The following ATXN1L variants were observed in gnomAD, a reference collection of about 807,000 sequenced individuals.
ATXN1L encodes ataxin-1-like.
A neutral mutation model predicts 43.4 loss-of-function variants in ATXN1L; 8 were observed. That is an observed-to-expected ratio of 0.18 (90% confidence interval 0.11 to 0.33). The LOEUF is 0.33. Among genes scored for constraint, ATXN1L ranks in the 10% least tolerant of loss-of-function variants. The pLI is 1.00. For synonymous variants in ATXN1L, 379 were observed against 360.6 expected (o/e 1.05, Z -0.58); for missense variants, 856 against 885.4 (o/e 0.97, Z 0.42).
At position 71,850,519 on chromosome 16, in the gene ATXN1L, A is replaced by T. The variant is rs761644064; in HGVS notation, c.779A>T (p.Gln260Leu). Reference protein sequence around the residue: ...ASPVLTPQESQSALEAAAANG... With the variant: ...ASPVLTPQESLSALEAAAANG... ...CCAGTTCTTACCCCTCAGGAGAGCCAGTCTGCTCTGGAAGCAGCTGCTGCA... is the reference window on the plus strand; with the variant it reads ...CCAGTTCTTACCCCTCAGGAGAGCCTGTCTGCTCTGGAAGCAGCTGCTGCA... The change falls in exon 3 of 3, where the codon CAG becomes CTG. Residue 260 changes from glutamine (Q) to leucine (L), a missense_variant. Around this residue, in one of 7 missense-constraint regions of ATXN1L, gnomAD observed 490 missense variants for 449.4 expected, o/e 1.09. Coordinates refer to ENST00000427980, the MANE Select transcript of ATXN1L (RefSeq NM_001137675.4). 1.3e-6 allele frequency: 2 copies of T among 1,551,628 alleles called. No homozygotes were observed. The highest frequency in any genetic ancestry group is 3.9e-5 in the Admixed American group (2 of 50,990).
In ATXN1L at chr16:71,849,205, TC is replaced by T. The variant is rs751779761; in HGVS notation, c.-117-417del. ...GTGGCCAGGGCAACAAGAGCAAAACTCCATGTGTTTTAAAAAAAAAAAAAAA... is the reference window on the plus strand; with the variant it reads ...GTGGCCAGGGCAACAAGAGCAAAACTCATGTGTTTTAAAAAAAAAAAAAAA... On this transcript the variant is annotated intron_variant, in intron 2 of 2. Coordinates refer to ENST00000427980, the MANE Select transcript of ATXN1L (RefSeq NM_001137675.4). Among the ~76,000 whole-genome samples, 16 of 78,898 alleles carry T rather than the reference TC, an allele frequency of 2.0e-4. 1 individual carries two copies. The South Asian group carries it at 2.8e-3, about 14-fold the overall frequency. 51.8% of individuals were successfully genotyped at this position (78,898 alleles called of 152,430 possible). A position where few individuals can be genotyped will look rare whatever the true frequency, so the allele number is the denominator to read the frequency against.
At position 71,850,576 on chromosome 16, in the gene ATXN1L, T is replaced by C. The variant is rs2033490089; in HGVS notation, c.836T>C (p.Leu279Ser). The C allele has an allele frequency of 1.3e-6, 2 of 1,551,566 alleles. No individual in the cohort carries two copies. The highest frequency in any genetic ancestry group is 1.7e-6 in the Non-Finnish European group (2 of 1,147,000). ...NGGQRPRERN[L>S]VRRESEALDS... ...GGACAGAGACCACGAGAGCGAAATT[T>C]AGTAAGACGGGAAAGTGAAGCCCTT... The change falls in exon 3 of 3, where the codon TTA (leucine) becomes TCA (serine). Residue 279 changes from leucine (L) to serine (S), a missense_variant. Physicochemically the swap from Leu to Ser is moderately radical, Grantham distance 145. Coordinates refer to ENST00000427980, the MANE Select transcript of ATXN1L (RefSeq NM_001137675.4).
chr16:71,851,806 A>T lies in ATXN1L; in HGVS notation c.2066A>T (p.Lys689Ile). The change falls in exon 3 of 3, where the codon AAA (lysine) becomes ATA (isoleucine). Residue 689 changes from lysine (K) to isoleucine (I), a missense_variant. Transcript: ENST00000427980. This position sits in a 1 kb window ranked among gnomAD's most constrained non-coding sequence, Gnocchi z 4.9. ...ATTGAAGGGCGTTCCAATGCGGGAAAATGAACCTCTTCCCCAGACCAGGAC... is the reference window on the plus strand; with the variant it reads ...ATTGAAGGGCGTTCCAATGCGGGAATATGAACCTCTTCCCCAGACCAGGAC... The part of the protein sequence containing the change: ...LSIEGRSNAG[K>I] The T allele has an allele frequency of 1.4e-6, 2 of 1,429,520 alleles. No homozygotes were observed. Among genetic ancestry groups the T allele is most frequent in the East Asian group, 5.1e-5 (2 of 39,342 alleles). The allele number at this position is 1,429,520 out of a possible 1,614,324, so 88.6% of individuals were successfully genotyped here.
chr16:71,846,795 T>C (rs1165020471), intron 1 of ATXN1L, among the ~76,000 whole-genome samples: 1 of 152,112 alleles, frequency 6.6e-6, no homozygotes, highest in South Asian at 2.1e-4. Context: ...CTTGGCTCTT[T>C]GTTTTCCTTT....
At chr16:71,849,483 T>A in intron 2 of ATXN1L, 141 bp from the exon 3 acceptor site, 2 of 337,228 alleles carry the variant, frequency 5.9e-6, no homozygotes, top group Non-Finnish European at 1.1e-5. Flanking sequence ...GTAGCCTCCT[T>A]GTCTGCCCCT....
Position 71,846,088 on chromosome 16 carries a change from C to T in ATXN1L, c.-196C>T, listed in dbSNP as rs2033439158. Reference sequence around the variant, plus strand: ...GGACGAGTGAGTGGATCCTGGGAAGCGCTGTGAAATGGGCTGGTGAGTGTC... The same window carrying T: ...GGACGAGTGAGTGGATCCTGGGAAGTGCTGTGAAATGGGCTGGTGAGTGTC... On this transcript the variant is annotated 5_prime_UTR_variant, in exon 1 of 3. Transcript: ENST00000427980. 2 of 201,308 alleles carry T rather than the reference C, an allele frequency of 9.9e-6. No individual in the cohort carries two copies. Among genetic ancestry groups the T allele is most frequent in the South Asian group, 6.0e-5 (1 of 16,758 alleles). 12.5% of individuals were successfully genotyped at this position (201,308 alleles called of 1,614,324 possible). A position where few individuals can be genotyped will look rare whatever the true frequency, so the allele number is the denominator to read the frequency against.
Position 71,855,680 on chromosome 16 carries a change from A to G in ATXN1L, c.*3870A>G, listed in dbSNP as rs555997215. ...AAAAGGCCTGGGTCCATTGGAGTAAAGATAACCTAGTCGATTGAATTGGCC... is the reference window on the plus strand; with the variant it reads ...AAAAGGCCTGGGTCCATTGGAGTAAGGATAACCTAGTCGATTGAATTGGCC... On this transcript the variant is annotated 3_prime_UTR_variant, in exon 3 of 3. Transcript: ENST00000427980. The G allele has an allele frequency of 6.0e-6, 1 of 167,236 alleles. No homozygotes were observed. The highest frequency in any genetic ancestry group is 1.5e-5 in the Non-Finnish European group (1 of 68,130). The allele number at this position is 167,236 out of a possible 1,614,324, so 10.4% of individuals were successfully genotyped here. A position where few individuals can be genotyped will look rare whatever the true frequency, so the allele number is the denominator to read the frequency against.
In ATXN1L at chr16:71,854,416, G is replaced by A. The variant is rs951665064; in HGVS notation, c.*2606G>A. ...GCAGTTCCTGTAATACCACAATATCGTTCCATGCATATATAACATATTAAT... is the reference window on the plus strand; with the variant it reads ...GCAGTTCCTGTAATACCACAATATCATTCCATGCATATATAACATATTAAT... On this transcript the variant is annotated 3_prime_UTR_variant, in exon 3 of 3. Transcript: ENST00000427980. 3.0e-5 allele frequency: 5 copies of A among 166,908 alleles called. No homozygotes were observed. The highest frequency in any genetic ancestry group is 9.7e-5 in the African/African-American group (4 of 41,396). The allele number at this position is 166,908 out of a possible 1,614,324, so 10.3% of individuals were successfully genotyped here.
At position 71,853,695 on chromosome 16, in the gene ATXN1L, A is replaced by C. The variant is rs140339495; in HGVS notation, c.*1885A>C. ...GAGAATGGAGTCATTCTTAGTGTTC[A>C]GGTGCTAAAGGTTGTTCTCCTGGGG... On this transcript the variant is annotated 3_prime_UTR_variant, in exon 3 of 3. Transcript: ENST00000427980. 6.0e-6 allele frequency: 1 copy of C among 167,042 alleles called. No individual in the cohort carries two copies. The highest frequency in any genetic ancestry group is 2.4e-5 in the African/African-American group (1 of 41,534). The allele number at this position is 167,042 out of a possible 1,614,324, so 10.3% of individuals were successfully genotyped here. A position where few individuals can be genotyped will look rare whatever the true frequency, so the allele number is the denominator to read the frequency against.
Position 71,848,083 on chromosome 16 carries a change from A to G in ATXN1L, c.-118+12A>G. ...CACTGGAAACTCAGGTAATACCGGC[A>G]CTTTGAATTCCTTGTTTCAGGAAAA... On this transcript the variant is annotated intron_variant, in intron 2 of 2. Transcript: ENST00000427980. 4.4e-6 allele frequency: 2 copies of G among 455,814 alleles called. 1 individual carries two copies. Among genetic ancestry groups the G allele is most frequent in the South Asian group, 3.1e-5 (2 of 64,506 alleles). The allele number at this position is 455,814 out of a possible 1,614,324, so 28.2% of individuals were successfully genotyped here.
chr16:71,852,004 AC>A lies in ATXN1L; in HGVS notation c.*198del. 1 of 545,808 alleles carries A rather than the reference AC, an allele frequency of 1.8e-6. No individual in the cohort carries two copies. Among genetic ancestry groups the A allele is most frequent in the Non-Finnish European group, 2.9e-6 (1 of 340,578 alleles). The allele number at this position is 545,808 out of a possible 1,614,324, so 33.8% of individuals were successfully genotyped here. ...TACCCCATGGCATCCTTTCAGGACA[AC>A]CCCAGAGGGTGTTGTGATGGGGAGC... On this transcript the variant is annotated 3_prime_UTR_variant, in exon 3 of 3. Coordinates refer to ENST00000427980, the MANE Select transcript of ATXN1L (RefSeq NM_001137675.4).
chr16:71,847,634 C>T (rs534782963), intron 1 of ATXN1L, among the ~76,000 whole-genome samples: 1 of 152,110 alleles, frequency 6.6e-6, no homozygotes, highest in Non-Finnish European at 1.5e-5. Context: ...TCCTGCTTCC[C>T]ATTGTTCATA....
intron 2 of ATXN1L, among the ~76,000 whole-genome samples, chr16:71,849,216 TAAAAAAA>T (rs71153674): frequency 8.4e-5 from 6 of 71,236 alleles, no homozygotes; most frequent in Non-Finnish European, 1.3e-4. Context: ...CCATGTGTTT[TAAAAAAA>T]AAAAAAAAAA....
rs996183046 is a variant in ATXN1L at position 71,853,508 on chromosome 16, C to T, written c.*1698C>T. 8 of 167,022 alleles carry T rather than the reference C, an allele frequency of 4.8e-5. No homozygotes were observed. Among genetic ancestry groups the T allele is most frequent in the African/African-American group, 1.7e-4 (7 of 41,400 alleles). 10.3% of individuals were successfully genotyped at this position (167,022 alleles called of 1,614,324 possible). A position where few individuals can be genotyped will look rare whatever the true frequency, so the allele number is the denominator to read the frequency against. On this transcript the variant is annotated 3_prime_UTR_variant, in exon 3 of 3. Transcript: ENST00000427980. The stretch of plus-strand genomic sequence containing the variant: ...CTTTATAAGGTATACTTGGATTGGC[C>T]GAGACCTGGCCTGGCATCAGGAGTC...
rs1034718181 is a variant in ATXN1L, at chr16:71,851,552, C to T, written c.1812C>T (p.Pro604=). The stretch of plus-strand genomic sequence containing the variant: ...CTCCCCCAAGCCAGCTGGGTCCCCC[C>T]CGAGAAAGGCCTGAGAGGACGGTCT... The part of the protein sequence containing the change: ...SCAPPSQLGP[P]RERPERTVLG... The change falls in exon 3 of 3, where the codon CCC becomes CCT. Residue 604 remains proline, a synonymous_variant. Coordinates refer to ENST00000427980, the MANE Select transcript of ATXN1L (RefSeq NM_001137675.4). This position sits in a 1 kb window ranked among gnomAD's most constrained non-coding sequence, Gnocchi z 4.9. 3.9e-6 allele frequency: 6 copies of T among 1,551,580 alleles called. No homozygotes were observed. In the South Asian group the frequency reaches 5.9e-5, roughly 15 times the overall value.
chr16:71,849,548 C>CACAGTT, intron 2 of ATXN1L, 76 bp from the exon 3 acceptor site: 1 of 495,964 alleles, frequency 2.0e-6, no homozygotes. Flanking sequence ...TCCTCCATGG[C>CACAGTT]ACAGTTCTTT....
intron 1 of ATXN1L, among the ~76,000 whole-genome samples, chr16:71,847,180 A>G (rs189670287): frequency 9.2e-5 from 14 of 152,234 alleles, no homozygotes; most frequent in Admixed American, 8.5e-4. Flanking sequence ...TAGGACTTGG[A>G]CAGGATAGTC....
rs1388223030 is a variant in ATXN1L at position 71,849,631 on chromosome 16, C to T, written c.-110C>T. 8.9e-6 allele frequency: 11 copies of T among 1,238,382 alleles called. No individual in the cohort carries two copies. The highest frequency in any genetic ancestry group is 1.1e-5 in the Non-Finnish European group (10 of 919,674). The allele number at this position is 1,238,382 out of a possible 1,614,324, so 76.7% of individuals were successfully genotyped here. The stretch of plus-strand genomic sequence containing the variant: ...TGATTTGTTCCCTAATAGATGTGGG[C>T]GCCCCAGCCAGAAGCAGAGAGGGGT... On this transcript the variant is annotated 5_prime_UTR_variant, in exon 3 of 3. Coordinates refer to ENST00000427980, the MANE Select transcript of ATXN1L (RefSeq NM_001137675.4).
In ATXN1L at chr16:71,856,933, CCAGTATGTAATGG is replaced by C. The variant is rs2033557182; in HGVS notation, c.*5125_*5137del. ...ATTACTGATCCCCCATCTACTATCC[CCAGTATGTAATGG>C]CTGAATTAATATGTAATCAACTGCA... On this transcript the variant is annotated 3_prime_UTR_variant, in exon 3 of 3. Transcript: ENST00000427980. 6.0e-6 allele frequency: 1 copy of C among 167,026 alleles called. No individual in the cohort carries two copies. The highest frequency in any genetic ancestry group is 2.1e-4 in the South Asian group (1 of 4,822). 10.3% of individuals were successfully genotyped at this position (167,026 alleles called of 1,614,324 possible).
Sources: allele counts gnomAD v4.1 joint callset (sites outside exome capture counted in the v4.1 genomes callset), GRCh38; gene constraint gnomAD v4.1.1; regional missense constraint gnomAD v4.1.1; non-coding constraint Gnocchi (gnomAD v3.1); transcripts MANE v1.5; gene names NCBI Gene and HGNC (gene_info 2026-07-23, HGNC 2026-07-21).